Variants in SLC23A2 observed in about 807,000 individuals in gnomAD.
SLC23A2 encodes the protein solute carrier family 23 member 2.
Under a neutral mutation model 73.3 loss-of-function variants are expected in SLC23A2, and 36 were observed. The observed-to-expected ratio is 0.49, with a 90% CI of 0.38 to 0.65. SLC23A2 has a LOEUF of 0.65. SLC23A2 is among the 30% of genes least tolerant of loss of function. The pLI, the probability that SLC23A2 is intolerant of heterozygous loss-of-function variation, is 0.00. For synonymous variants in SLC23A2, 343 were observed against 327.3 expected, an observed-to-expected ratio of 1.05 and a Z score of -0.52; for missense variants, 507 against 841.6, an observed-to-expected ratio of 0.60 and a Z score of 4.92.
chr20:4,948,786 A>G (rs966204484), intron 2 of SLC23A2, among the ~76,000 whole-genome samples: 3 of 152,210 alleles, frequency 2.0e-5, no homozygotes, highest in African/African-American at 4.8e-5. Context: ...AGAGACTGCA[A>G]TCACTTAGAA....
At chr20:4,957,087 G>A (rs113678532) in intron 2 of SLC23A2, among the ~76,000 whole-genome samples, 10,171 of 152,054 alleles carry the variant, frequency 0.067, 1,066 homozygotes, top group African/African-American at 0.23. Flanking sequence ...GATTACAGGC[G>A]TGAGTTACTG....
chr20:4,913,299 T>C (rs1016701987), intron 3 of SLC23A2, among the ~76,000 whole-genome samples: 5 of 152,154 alleles, frequency 3.3e-5, no homozygotes, highest in Non-Finnish European at 7.3e-5. Context: ...TTAAGATCCC[T>C]GCCCACATAA....
intron 2 of SLC23A2, among the ~76,000 whole-genome samples, chr20:4,952,103 CAAAA>C (rs57832305): frequency 4.9e-5 from 2 of 40,528 alleles, no homozygotes; most frequent in Non-Finnish European, 4.9e-5. Context: ...GACTCTGACT[CAAAA>C]AAAAAAAAAA....
At chr20:4,923,150 T>C (rs1358586630) in intron 3 of SLC23A2, among the ~76,000 whole-genome samples, 3 of 151,080 alleles carry the variant, frequency 2.0e-5, no homozygotes, top group Non-Finnish European at 4.4e-5. Context: ...CTTATGCCTG[T>C]AATCCCAGCA....
At chr20:4,858,725 G>C (rs1412760468) in intron 16 of SLC23A2, among the ~76,000 whole-genome samples, 1 of 152,136 alleles carries the variant, frequency 6.6e-6, no homozygotes, top group African/African-American at 2.4e-5. Flanking sequence ...CCCAAGCTCA[G>C]CACAGAATGT....
intron 9 of SLC23A2, among the ~76,000 whole-genome samples, chr20:4,882,687 C>T (rs1930938137): frequency 6.6e-6 from 1 of 152,068 alleles, no homozygotes; most frequent in Admixed American, 6.6e-5. Context: ...TGCTCAGTGT[C>T]CTCTGCTGTT....
chr20:4,977,942 C>T (rs76434940), intron 1 of SLC23A2, among the ~76,000 whole-genome samples: 2,651 of 151,968 alleles, frequency 0.017, 67 homozygotes, highest in African/African-American at 0.054. Context: ...CATGAAAAAA[C>T]GAAAGATACT....
chr20:4,932,454 C>T lies in SLC23A2; in HGVS notation c.108+1G>A, dbSNP rs1382139076. On this transcript the variant is annotated splice_donor_variant, in intron 3 of 16. Transcript: ENST00000338244. LOFTEE classifies it high-confidence loss of function. ...GAAAGGAAGATGGGGAATATGATTA[C>T]CGGAAGAGTGAAGAAAGCTGGGTGC... The T allele has an allele frequency of 6.7e-7, 1 of 1,496,636 alleles. No individual in the cohort carries two copies. The highest frequency in any genetic ancestry group is 9.3e-7 in the Non-Finnish European group (1 of 1,072,616). 92.7% of individuals were successfully genotyped at this position (1,496,636 alleles called of 1,614,324 possible). A position where few individuals can be genotyped will look rare whatever the true frequency, so the allele number is the denominator to read the frequency against.
At chr20:4,921,813 T>C (rs1932507559) in intron 3 of SLC23A2, among the ~76,000 whole-genome samples, 1 of 152,136 alleles carries the variant, frequency 6.6e-6, no homozygotes. Context: ...AAAATACACA[T>C]ATGAGAACTA....
At position 4,885,758 on chromosome 20, in the gene SLC23A2, A is replaced by T. The variant is rs6052954; in HGVS notation, c.571+63T>A. 5,388 of 1,175,770 alleles carry T rather than the reference A, an allele frequency of 4.6e-3. 172 individuals carry two copies. In the African/African-American group the frequency reaches 0.065, roughly 14 times the overall value. The allele number at this position is 1,175,770 out of a possible 1,614,324, so 72.8% of individuals were successfully genotyped here. ...TAGCGCTGCTGAGGGCAGCACGTCCAGGCCTCCCTTTACACCTGCATTAAA... is the reference window on the plus strand; with the variant it reads ...TAGCGCTGCTGAGGGCAGCACGTCCTGGCCTCCCTTTACACCTGCATTAAA... On this transcript the variant is annotated intron_variant, in intron 7 of 16. Coordinates refer to ENST00000338244, the MANE Select transcript of SLC23A2 (RefSeq NM_005116.6).
chr20:4,874,515 A>C (rs1930579544), intron 10 of SLC23A2, 61 bp downstream of exon 10: 2 of 1,509,478 alleles, frequency 1.3e-6, no homozygotes, highest in Admixed American at 2.1e-5. Context: ...CCCTTCACTT[A>C]ATCATCTTAC....
intron 9 of SLC23A2, among the ~76,000 whole-genome samples, chr20:4,876,566 C>T (rs965710822): frequency 3.3e-5 from 5 of 152,328 alleles, no homozygotes; most frequent in Admixed American, 2.0e-4. Flanking sequence ...AGGGATGAAG[C>T]GTTCTAGCCC....
Position 4,854,227 on chromosome 20 carries a change from G to A in SLC23A2, c.*2745C>T, listed in dbSNP as rs903162122. The A allele has an allele frequency of 1.3e-5, 2 of 152,250 alleles. No homozygotes were observed. The highest frequency in any genetic ancestry group is 4.8e-5 in the African/African-American group (2 of 41,442). The allele number at this position is 152,250 out of a possible 1,614,324, so 9.4% of individuals were successfully genotyped here. Reference sequence around the variant, plus strand: ...GCAACGCAGGCCAATGATGTGAATGGGAAGTGTCATGACACAGACCGCGAG... The same window carrying A: ...GCAACGCAGGCCAATGATGTGAATGAGAAGTGTCATGACACAGACCGCGAG... On this transcript the variant is annotated 3_prime_UTR_variant, in exon 17 of 17. Transcript: ENST00000338244.
chr20:4,982,887 C>A (rs1255541953), intron 1 of SLC23A2, among the ~76,000 whole-genome samples: 1 of 152,044 alleles, frequency 6.6e-6, no homozygotes. Context: ...AGGCAGATCA[C>A]CTGAGGTCGG....
intron 1 of SLC23A2, among the ~76,000 whole-genome samples, chr20:4,981,741 G>A (rs2087729867): frequency 8.0e-6 from 1 of 125,274 alleles, no homozygotes; most frequent in Non-Finnish European, 1.6e-5. Flanking sequence ...TCACTCTGTT[G>A]CCCAGGCTGG....
chr20:4,859,417 G>A (rs1354024063), intron 15 of SLC23A2, 33 bp from the exon 16 acceptor site: 1 of 1,429,644 alleles, frequency 7.0e-7, no homozygotes, highest in Non-Finnish European at 9.9e-7. Flanking sequence ...AACGATCAGT[G>A]CCACAGCAGC....
intron 2 of SLC23A2, among the ~76,000 whole-genome samples, chr20:4,956,194 T>C (rs1314895094): frequency 1.3e-5 from 2 of 152,262 alleles, no homozygotes; most frequent in Non-Finnish European, 2.9e-5. Context: ...TGTGTTTTTC[T>C]TTTAATTCCA....
chr20:4,973,731 G>T (rs776919093), intron 1 of SLC23A2, among the ~76,000 whole-genome samples: 2 of 152,150 alleles, frequency 1.3e-5, no homozygotes, highest in South Asian at 4.1e-4. Flanking sequence ...GCAAGGCTAC[G>T]GGGCTGAGAT....
At chr20:4,886,862 G>A (rs1443356200) in intron 6 of SLC23A2, among the ~76,000 whole-genome samples, 3 of 152,122 alleles carry the variant, frequency 2.0e-5, no homozygotes, top group African/African-American at 7.2e-5. Flanking sequence ...CCTGGCCAGC[G>A]AGACAGGGAC....
Sources: allele counts gnomAD v4.1 joint callset (sites outside exome capture counted in the v4.1 genomes callset), GRCh38; gene constraint gnomAD v4.1.1; transcripts MANE v1.5; gene names NCBI Gene and HGNC (gene_info 2026-07-23, HGNC 2026-07-21).